Variants in WDR59 observed in about 807,000 individuals in gnomAD.
WDR59 encodes WD repeat domain 59, also known as GATOR2 complex protein WDR59.
Under a neutral mutation model 131.2 loss-of-function variants are expected in WDR59, and 100 were observed. That is an observed-to-expected ratio of 0.76 (90% CI 0.65 to 0.90). The LOEUF (loss-of-function observed/expected upper bound fraction) is 0.90. Among genes scored for constraint, WDR59 ranks in the 40% least tolerant of loss-of-function variants. The pLI, the probability that WDR59 is intolerant of heterozygous loss-of-function variation, is 0.00. For synonymous variants in WDR59, 601 were observed against 466.2 expected, an observed-to-expected ratio of 1.29 and a Z score of -3.72; for missense variants, 1,203 against 1,262.2, an observed-to-expected ratio of 0.95 and a Z score of 0.71.
chr16:74,933,668 C>G (rs2031578190), intron 8 of WDR59, among the ~76,000 whole-genome samples: 2 of 152,140 alleles, frequency 1.3e-5, no homozygotes, highest in Admixed American at 1.3e-4. Context: ...CTCACTGCAA[C>G]CTCCACCTCC....
intron 25 of WDR59, among the ~76,000 whole-genome samples, chr16:74,883,855 C>T (rs546693829): frequency 1.3e-4 from 20 of 152,318 alleles, no homozygotes; most frequent in African/African-American, 4.6e-4. Context: ...CCCAAATTCC[C>T]AGTTCTAGCC....
intron 18 of WDR59, among the ~76,000 whole-genome samples, chr16:74,895,299 G>C (rs1193046046): frequency 6.6e-6 from 1 of 151,992 alleles, no homozygotes; most frequent in Non-Finnish European, 1.5e-5. Context: ...GTCTTGCTCT[G>C]TTGCTGAGGC....
At chr16:74,970,180 T>C (rs1319441520) in intron 1 of WDR59, among the ~76,000 whole-genome samples, 2 of 152,160 alleles carry the variant, frequency 1.3e-5, no homozygotes, top group African/African-American at 4.8e-5. Context: ...TTGTCAACTT[T>C]GTCAAAGATC....
At chr16:74,915,158 C>A (rs1966303252) in intron 13 of WDR59, among the ~76,000 whole-genome samples, 1 of 152,210 alleles carries the variant, frequency 6.6e-6, no homozygotes, top group African/African-American at 2.4e-5. Flanking sequence ...CAGCACAGCA[C>A]AGCACAGCAC....
intron 1 of WDR59, among the ~76,000 whole-genome samples, chr16:74,972,173 C>T (rs1419334666): frequency 1.3e-5 from 2 of 152,168 alleles, no homozygotes; most frequent in East Asian, 3.8e-4. Flanking sequence ...ACTTTTGGCA[C>T]ACTTAACACT....
At chr16:74,928,773 G>A (rs1054015236) in intron 8 of WDR59, among the ~76,000 whole-genome samples, 1 of 151,986 alleles carries the variant, frequency 6.6e-6, no homozygotes. Flanking sequence ...TCCGGGTGTG[G>A]TGGTGTGCAT....
chr16:74,916,858 C>CAAA (rs34120750), intron 11 of WDR59, among the ~76,000 whole-genome samples: 12,631 of 139,344 alleles, frequency 0.091, 612 homozygotes, highest in Admixed American at 0.14. Context: ...GACTCCATCT[C>CAAA]AAAAAAAAAA....
chr16:74,977,487 G>C lies in WDR59; in HGVS notation c.54+7477C>G, dbSNP rs528407783. On this transcript the variant is annotated intron_variant, in intron 1 of 25. Transcript: ENST00000262144. Reference sequence around the variant, plus strand: ...GCAGATCACGATGTCAGGAGATCGAGACCATCCTGACTAACACGGTGAAAC... The same window carrying C: ...GCAGATCACGATGTCAGGAGATCGACACCATCCTGACTAACACGGTGAAAC... Among the ~76,000 whole-genome samples, 21 of 151,996 alleles carry C rather than the reference G, an allele frequency of 1.4e-4. No individual in the cohort carries two copies. In the East Asian group the frequency reaches 2.5e-3, roughly 18 times the overall value.
chr16:74,985,100 C>A lies in WDR59; in HGVS notation c.-83G>T. On this transcript the variant is annotated 5_prime_UTR_variant, in exon 1 of 26. Transcript: ENST00000262144. ...GTATCCCGGGACCGTGCGCCCCACA[C>A]AGCCAGAGAATCAGCCCCGACACGC... 3 of 1,379,802 alleles carry A rather than the reference C, an allele frequency of 2.2e-6. No individual in the cohort carries two copies. The highest frequency in any genetic ancestry group is 1.9e-4 in the Middle Eastern group (1 of 5,248). 85.5% of individuals were successfully genotyped at this position (1,379,802 alleles called of 1,614,324 possible).
At chr16:74,931,286 G>C (rs549058309) in intron 8 of WDR59, among the ~76,000 whole-genome samples, 1 of 151,890 alleles carries the variant, frequency 6.6e-6, no homozygotes, top group Admixed American at 6.6e-5. Context: ...ACATTAAATC[G>C]AATGAATGAA....
chr16:74,929,757 T>C (rs2031213093), intron 8 of WDR59, among the ~76,000 whole-genome samples: 1 of 152,158 alleles, frequency 6.6e-6, no homozygotes, highest in Non-Finnish European at 1.5e-5. Context: ...TTACTCACAA[T>C]AGCCAAGGTC....
chr16:74,916,543 A>G (rs1337180471), intron 11 of WDR59, among the ~76,000 whole-genome samples: 2 of 152,216 alleles, frequency 1.3e-5, no homozygotes, highest in Non-Finnish European at 2.9e-5. Flanking sequence ...TGATGGAGTT[A>G]TTCAGCTAAT....
intron 17 of WDR59, among the ~76,000 whole-genome samples, chr16:74,906,193 A>G (rs1965807346): frequency 6.6e-6 from 1 of 151,456 alleles, no homozygotes. Context: ...GGGCGCCTAT[A>G]GGCCCAGCTA....
chr16:74,929,493 C>T (rs2031189810), intron 8 of WDR59, among the ~76,000 whole-genome samples: 1 of 152,264 alleles, frequency 6.6e-6, no homozygotes, highest in Non-Finnish European at 1.5e-5. Context: ...CATCTCACAC[C>T]GATTAAAATG....
rs1443368613 is a variant in WDR59, at chr16:74,949,777, A to C, written c.348T>G (p.Phe116Leu). Residue 116 changes from phenylalanine to leucine, a missense_variant, in exon 5 of 26, where the codon TTT becomes TTG. Transcript: ENST00000262144. Reference protein sequence around the residue: ...RVISDLDWAVFEPDLLVTSSV... With the variant: ...RVISDLDWAVLEPDLLVTSSV... ...AGCTGGTAACCAGGAGGTCAGGCTCAAACACCGCCCAGTCCAAGTCGCTGG... is the reference window on the plus strand; with the variant it reads ...AGCTGGTAACCAGGAGGTCAGGCTCCAACACCGCCCAGTCCAAGTCGCTGG... 1.9e-6 allele frequency: 3 copies of C among 1,614,042 alleles called. No individual in the cohort carries two copies. In the Admixed American group the frequency reaches 5.0e-5, roughly 27 times the overall value.
At chr16:74,945,991 A>G (rs1319565771) in intron 6 of WDR59, among the ~76,000 whole-genome samples, 1 of 151,738 alleles carries the variant, frequency 6.6e-6, no homozygotes, top group Non-Finnish European at 1.5e-5. Context: ...CTAATTTTGT[A>G]TTTTTAGTAG....
chr16:74,904,309 A>G (rs1965697895), intron 17 of WDR59: 1 of 553,610 alleles, frequency 1.8e-6, no homozygotes, highest in Non-Finnish European at 3.1e-6. Flanking sequence ...TAAAAAATTC[A>G]AAGGAATCTA....
At chr16:74,981,650 A>ATTTTTTTT (rs1567450909) in intron 1 of WDR59, among the ~76,000 whole-genome samples, 1 of 4,914 alleles carries the variant, frequency 2.0e-4, no homozygotes, top group African/African-American at 3.1e-4. Context: ...ATATATATAT[A>ATTTTTTTT]TATATATATA....
rs778352602 is a variant in WDR59, at chr16:74,951,495, C to A, written c.289G>T (p.Val97Phe). 1.1e-5 allele frequency: 18 copies of A among 1,603,536 alleles called. No homozygotes were observed. In the South Asian group the frequency reaches 2.0e-4, roughly 18 times the overall value. ...GTGTGGCCTTGTAAGGTTGTGCCAA[C>A]TTCCCCACTGCCGTCTTTCCACTTG... ...LYKWKDGSGE[V>F]GTTLQGHTRV... Residue 97 changes from valine (V) to phenylalanine (F), a missense_variant, in exon 4 of 26, where the codon GTT (valine) becomes TTT (phenylalanine). Val to Phe is a conservative substitution (Grantham distance 50, BLOSUM62 -1). Coordinates refer to ENST00000262144, the MANE Select transcript of WDR59 (RefSeq NM_030581.4).
Sources: allele counts gnomAD v4.1 joint callset (sites outside exome capture counted in the v4.1 genomes callset), GRCh38; gene constraint gnomAD v4.1.1; transcripts MANE v1.5; gene names NCBI Gene and HGNC (gene_info 2026-07-23, HGNC 2026-07-21).